Variants in SEMA5A observed in about 807,000 individuals in gnomAD.
SEMA5A encodes the protein semaphorin-5A.
SEMA5A carries 55 observed loss-of-function variants against 135.5 expected under a neutral mutation model. The observed-to-expected ratio is 0.41, with a 90% confidence interval of 0.33 to 0.51. The LOEUF (loss-of-function observed/expected upper bound fraction) is 0.51, where lower values mean the gene tolerates loss of function less well. Ranked by LOEUF, SEMA5A falls within the 20% of genes least tolerant of loss-of-function variation. The pLI is 0.37. For synonymous variants in SEMA5A, 580 were observed against 546.5 expected (o/e 1.06, Z -0.85); for missense variants, 1,290 against 1,419.9 (o/e 0.91, Z 1.47).
In SEMA5A at chr5:9,464,019, C is replaced by G. The variant is rs188713596; in HGVS notation, c.-174-26167G>C. Among the ~76,000 whole-genome samples, 3 of 152,276 alleles carry G rather than the reference C, an allele frequency of 2.0e-5. No homozygotes were observed. The East Asian group carries it at 5.8e-4, about 29-fold the overall frequency. ...TTCTAAACCTCGACACTGTTGACAT[C>G]TGGGGCCAGATAATCCTCTGTCATG... On this transcript the variant is annotated intron_variant, in intron 1 of 22. Transcript: ENST00000382496.
At chr5:9,336,319 C>A (rs73050525) in intron 4 of SEMA5A, among the ~76,000 whole-genome samples, 1,524 of 152,212 alleles carry the variant, frequency 0.01, 26 homozygotes, top group African/African-American at 0.035. Flanking sequence ...GGCTGGCGTA[C>A]CACACCAGGG....
At position 9,470,094 on chromosome 5, in the gene SEMA5A, TA is replaced by T. The variant is rs200067540; in HGVS notation, c.-174-32243del. 3.7e-4 allele frequency among the ~76,000 whole-genome samples: 57 copies of T among 152,302 alleles called. No homozygotes were observed. In the East Asian group the frequency reaches 8.3e-3, roughly 22 times the overall value. ...ATGGCAGCTTTTAAGATGAGCATGT[TA>T]GGGGGGGTTCCACTATTTCAAACAA... On this transcript the variant is annotated intron_variant, in intron 1 of 22. Coordinates refer to ENST00000382496, the MANE Select transcript of SEMA5A (RefSeq NM_003966.3).
intron 16 of SEMA5A, among the ~76,000 whole-genome samples, chr5:9,087,526 GTTTATT>G (rs931376343): frequency 4.0e-5 from 6 of 151,312 alleles, no homozygotes; most frequent in Non-Finnish European, 7.4e-5. Flanking sequence ...AGCCACAGAT[GTTTATT>G]TTTATTATAT....
chr5:9,412,160 C>T (rs536862781), intron 2 of SEMA5A, among the ~76,000 whole-genome samples: 8 of 152,014 alleles, frequency 5.3e-5, no homozygotes, highest in South Asian at 2.1e-4. Context: ...AAGTGTTCCC[C>T]GAAATGAACG....
intron 17 of SEMA5A, among the ~76,000 whole-genome samples, chr5:9,063,527 T>C (rs1737296477): frequency 6.6e-6 from 1 of 152,178 alleles, no homozygotes; most frequent in Non-Finnish European, 1.5e-5. Context: ...AAGGGAAACA[T>C]AATTCAGACA....
chr5:9,544,446 C>T (rs1194876528), intron 1 of SEMA5A, among the ~76,000 whole-genome samples: 1 of 151,982 alleles, frequency 6.6e-6, no homozygotes, highest in Admixed American at 6.5e-5. Context: ...TGTCTGGCCA[C>T]CACCTTTCCT....
In SEMA5A at chr5:9,258,665, T is replaced by G. The variant is rs190085760; in HGVS notation, c.271-20775A>C. 3.1e-3 allele frequency among the ~76,000 whole-genome samples: 476 copies of G among 152,238 alleles called. 3 individuals are homozygous for G. The highest frequency in any genetic ancestry group is 0.011 in the African/African-American group (452 of 41,538). ...CATTGCTTGCTGGATATAATAAAAA[T>G]AGCAACCTCAAAGGGTCTTGGTGAG... is the stretch of plus-strand genomic sequence containing the variant. On this transcript the variant is annotated intron_variant, in intron 5 of 22. Transcript: ENST00000382496.
At chr5:9,432,194 G>A (rs972940097) in intron 2 of SEMA5A, among the ~76,000 whole-genome samples, 2 of 152,140 alleles carry the variant, frequency 1.3e-5, no homozygotes, top group African/African-American at 4.8e-5. Context: ...TTTCTGGATG[G>A]CCTCACAGAG....
chr5:9,074,841 C>T (rs964836232), intron 16 of SEMA5A, among the ~76,000 whole-genome samples: 3 of 152,260 alleles, frequency 2.0e-5, no homozygotes, highest in East Asian at 1.9e-4. Context: ...AATCGTGTCA[C>T]AGTATCAGAT....
intron 1 of SEMA5A, among the ~76,000 whole-genome samples, chr5:9,505,528 G>A (rs1336275314): frequency 1.3e-5 from 2 of 152,158 alleles, no homozygotes; most frequent in African/African-American, 4.8e-5. Context: ...TTGATTGAAT[G>A]CTACAAGTTG....
At chr5:9,367,062 C>T (rs1415014118) in intron 3 of SEMA5A, among the ~76,000 whole-genome samples, 4 of 152,138 alleles carry the variant, frequency 2.6e-5, no homozygotes, top group East Asian at 3.9e-4. Context: ...CAGCCTACAT[C>T]GATCTTCGTT....
intron 1 of SEMA5A, among the ~76,000 whole-genome samples, chr5:9,518,500 G>T (rs1736644901): frequency 6.6e-6 from 1 of 152,156 alleles, no homozygotes. Flanking sequence ...TTGGTCCTCT[G>T]GATATCCTAT....
intron 2 of SEMA5A, among the ~76,000 whole-genome samples, chr5:9,396,245 T>TGC (rs971755769): frequency 1.6e-5 from 1 of 64,124 alleles, no homozygotes; most frequent in African/African-American, 6.1e-5. Context: ...TGCGCGTGCG[T>TGC]GCACACACAC....
At chr5:9,486,206 T>A (rs769699256) in intron 1 of SEMA5A, among the ~76,000 whole-genome samples, 13 of 151,658 alleles carry the variant, frequency 8.6e-5, no homozygotes, top group Non-Finnish European at 1.8e-4. Context: ...TACTCATAAG[T>A]GGGAGGTGAA....
chr5:9,459,490 C>T (rs1236396144), intron 1 of SEMA5A, among the ~76,000 whole-genome samples: 1 of 152,170 alleles, frequency 6.6e-6, no homozygotes, highest in Non-Finnish European at 1.5e-5. Flanking sequence ...GAAAATGAGG[C>T]CCTCAGTCCT....
intron 5 of SEMA5A, among the ~76,000 whole-genome samples, chr5:9,266,668 T>A (rs1749698606): frequency 6.6e-6 from 1 of 152,218 alleles, no homozygotes; most frequent in Admixed American, 6.5e-5. Context: ...TCTCTTTTGA[T>A]GGGACAAAGT....
intron 1 of SEMA5A, among the ~76,000 whole-genome samples, chr5:9,513,957 C>T (rs1736363369): frequency 6.6e-6 from 1 of 152,152 alleles, no homozygotes; most frequent in African/African-American, 2.4e-5. Context: ...CATATTTATT[C>T]TCTTGCATTT....
rs1426754407 is a variant in SEMA5A, at chr5:9,040,808, A to AAAAT, written c.*2085_*2088dup. On this transcript the variant is annotated 3_prime_UTR_variant, in exon 23 of 23. Transcript: ENST00000382496. Reference sequence around the variant, plus strand: ...AATATTAGAATCCTCTTTACCAGGGAAAATAAAATGTCCCTTTAAGCTTAC... The same window carrying AAAAT: ...AATATTAGAATCCTCTTTACCAGGGAAAATAAATAAAATGTCCCTTTAAGCTTAC... 6.6e-6 allele frequency: 1 copy of AAAAT among 152,200 alleles called. No individual in the cohort carries two copies. Among genetic ancestry groups the AAAAT allele is most frequent in the Non-Finnish European group, 1.5e-5 (1 of 68,034 alleles). 9.4% of individuals were successfully genotyped at this position (152,200 alleles called of 1,614,324 possible).
At chr5:9,056,073 C>T (rs556532672) in intron 18 of SEMA5A, among the ~76,000 whole-genome samples, 36 of 152,186 alleles carry the variant, frequency 2.4e-4, no homozygotes, top group African/African-American at 8.2e-4. Context: ...TTTCTAAATG[C>T]GCACAAGGCA....
Sources: allele counts gnomAD v4.1 joint callset (sites outside exome capture counted in the v4.1 genomes callset), GRCh38; gene constraint gnomAD v4.1.1; transcripts MANE v1.5; gene names NCBI Gene and HGNC (gene_info 2026-07-23, HGNC 2026-07-21).